The following PDE1A variants were observed in gnomAD, a reference collection of about 807,000 sequenced individuals.
PDE1A encodes phosphodiesterase 1A.
A neutral mutation model predicts 61.7 loss-of-function variants in PDE1A; 35 were observed. The observed-to-expected ratio is 0.57, with a 90% confidence interval of 0.43 to 0.75. PDE1A has a LOEUF of 0.75. Ranked by LOEUF, PDE1A falls within the 30% of genes least tolerant of loss-of-function variation. PDE1A has a pLI of 0.00. For missense variants in PDE1A, 597 were observed against 630.6 expected, an observed-to-expected ratio of 0.95 and a Z score of 0.57; for synonymous variants, 232 against 213.2, an observed-to-expected ratio of 1.09 and a Z score of -0.77.
At chr2:182,561,873 A>G in the PDE1A span, among the ~76,000 whole-genome samples, 2 of 152,134 alleles carry the variant, frequency 1.3e-5, no homozygotes, top group South Asian at 2.1e-4. Context: ...TTATTCGTGT[A>G]TAAGAATGCT....
chr2:182,407,103 A>G (rs1035479184), intron 1 of PDE1A, among the ~76,000 whole-genome samples: 1 of 152,186 alleles, frequency 6.6e-6, no homozygotes, highest in Non-Finnish European at 1.5e-5. Context: ...AACAGATATA[A>G]AAGTGGATAG....
Position 182,319,645 on chromosome 2 carries a change from G to C in PDE1A, c.54-55231C>G, listed in dbSNP as rs79599825. Reference sequence around the variant, plus strand: ...TTTCTGAGGTCTCAAAAGGACAATAGAAGTAAGAAGTATGTTTAAGCACCT... The same window carrying C: ...TTTCTGAGGTCTCAAAAGGACAATACAAGTAAGAAGTATGTTTAAGCACCT... On this transcript the variant is annotated intron_variant, in intron 1 of 13. Coordinates refer to ENST00000351439, the Ensembl canonical transcript of PDE1A. Among the ~76,000 whole-genome samples, 710 of 152,244 alleles carry C rather than the reference G, an allele frequency of 4.7e-3. 2 individuals are homozygous for C. Among genetic ancestry groups the C allele is most frequent in the African/African-American group, 0.016 (664 of 41,544 alleles).
the PDE1A span, among the ~76,000 whole-genome samples, chr2:182,653,547 G>A: frequency 5.9e-5 from 9 of 152,246 alleles, no homozygotes; most frequent in Admixed American, 2.6e-4. Flanking sequence ...CATACATTCT[G>A]TAAGTGCTTG....
chr2:182,635,113 C>T, the PDE1A span, among the ~76,000 whole-genome samples: 1 of 126,888 alleles, frequency 7.9e-6, no homozygotes. Flanking sequence ...TACATAGCCA[C>T]ATTGTAAATG....
intron 7 of PDE1A, among the ~76,000 whole-genome samples, chr2:182,223,151 G>A (rs930775719): frequency 9.2e-5 from 14 of 151,994 alleles, no homozygotes; most frequent in Admixed American, 7.9e-4. Flanking sequence ...TGGGGTGCAT[G>A]TGCTCAGAGA....
chr2:182,186,346 G>A (rs1685204255), intron 12 of PDE1A, 122 bp downstream of exon 12: 2 of 1,163,238 alleles, frequency 1.7e-6, no homozygotes, highest in Admixed American at 2.4e-5. Flanking sequence ...CCACTAGGTG[G>A]CAATACTCCC....
intron 2 of PDE1A, among the ~76,000 whole-genome samples, chr2:182,503,677 C>T (rs750339901): frequency 7.2e-5 from 11 of 152,140 alleles, no homozygotes; most frequent in East Asian, 1.9e-4. Context: ...GTCACCATCA[C>T]GAGAAGCTCT....
chr2:182,637,663 C>A, the PDE1A span, among the ~76,000 whole-genome samples: 45 of 152,036 alleles, frequency 3.0e-4, no homozygotes, highest in African/African-American at 1.1e-3. Context: ...GGCTCACACC[C>A]GTAATTCCTG....
chr2:182,383,570 G>A (rs1359362208), intron 1 of PDE1A, among the ~76,000 whole-genome samples: 1 of 152,148 alleles, frequency 6.6e-6, no homozygotes, highest in African/African-American at 2.4e-5. Context: ...TTGGATGCAA[G>A]AAAATATGCC....
chr2:182,435,926 G>C (rs1301611229), intron 2 of PDE1A, among the ~76,000 whole-genome samples: 1 of 151,982 alleles, frequency 6.6e-6, no homozygotes. Context: ...GTCAGTAATG[G>C]AAAATTCCTA....
chr2:182,518,088 G>A (rs749548831), intron 2 of PDE1A, among the ~76,000 whole-genome samples: 4 of 152,178 alleles, frequency 2.6e-5, no homozygotes, highest in Non-Finnish European at 5.9e-5. Context: ...GTGACCCTGT[G>A]AAGGATGCAA....
At chr2:182,186,363 T>G in intron 12 of PDE1A, 105 bp downstream of exon 12, 1 of 1,359,808 alleles carries the variant, frequency 7.4e-7, no homozygotes, top group Non-Finnish European at 1.0e-6. Flanking sequence ...TCCCTAATAA[T>G]TCTTGTGAGA....
At chr2:182,548,315 T>C in the PDE1A span, among the ~76,000 whole-genome samples, 1 of 152,140 alleles carries the variant, frequency 6.6e-6, no homozygotes, top group African/African-American at 2.4e-5. Flanking sequence ...ATTTTTGTTT[T>C]TAAAGTACCT....
chr2:182,490,509 G>A (rs1293772492), intron 2 of PDE1A, among the ~76,000 whole-genome samples: 1 of 152,026 alleles, frequency 6.6e-6, no homozygotes, highest in Middle Eastern at 3.2e-3. Context: ...AGCTGAGATT[G>A]CAAGCGCCCA....
At chr2:182,235,767 T>G (rs547191417) in intron 3 of PDE1A, among the ~76,000 whole-genome samples, 7 of 152,322 alleles carry the variant, frequency 4.6e-5, no homozygotes, top group African/African-American at 1.7e-4. Flanking sequence ...GACAATGCCA[T>G]AGCTTAATTA....
At chr2:182,581,992 T>C in the PDE1A span, among the ~76,000 whole-genome samples, 1 of 152,078 alleles carries the variant, frequency 6.6e-6, no homozygotes, top group East Asian at 1.9e-4. Context: ...AAAATGACAA[T>C]AAGGAAATAC....
intron 1 of PDE1A, among the ~76,000 whole-genome samples, chr2:182,414,770 TAG>T (rs1049558621): frequency 6.6e-6 from 1 of 152,044 alleles, no homozygotes; most frequent in Non-Finnish European, 1.5e-5. Context: ...ACTGAGCTAG[TAG>T]AGAGAGTGGG....
rs1478375059 is a variant in PDE1A, at chr2:182,229,296, T to C, written c.675+710A>G. Reference sequence around the variant, plus strand: ...TGCACTTCACGATTAAAGCAGGTGCTAGGATTTAGAAATCTCACATGGCCT... The same window carrying C: ...TGCACTTCACGATTAAAGCAGGTGCCAGGATTTAGAAATCTCACATGGCCT... On this transcript the variant is annotated intron_variant, in intron 6 of 13. Transcript: ENST00000351439. 3.3e-5 allele frequency among the ~76,000 whole-genome samples: 5 copies of C among 152,236 alleles called. No individual in the cohort carries two copies. The East Asian group carries it at 9.6e-4, about 29-fold the overall frequency.
chr2:182,335,866 C>A (rs1697767440), intron 1 of PDE1A, among the ~76,000 whole-genome samples: 1 of 152,050 alleles, frequency 6.6e-6, no homozygotes, highest in African/African-American at 2.4e-5. Flanking sequence ...GCAATTTATC[C>A]ACCTGACAAT....
Sources: gnomAD v4.1 joint callset for allele counts (sites outside exome capture counted in the v4.1 genomes callset) on GRCh38, gnomAD v4.1.1 for gene constraint, MANE v1.5 for transcripts, NCBI Gene and HGNC (gene_info 2026-07-23, HGNC 2026-07-21) for gene names.